The following GABRA3 variants were observed in gnomAD, a reference collection of about 807,000 sequenced individuals.
GABRA3 encodes gamma-aminobutyric acid type A receptor subunit alpha3.
In GABRA3, 10 loss-of-function variants were observed where a neutral mutation model predicts 30.1. The ratio of observed to expected loss-of-function variants is 0.33; its 90% CI spans 0.20 to 0.56. The LOEUF (loss-of-function observed/expected upper bound fraction) is 0.56, where lower values mean the gene tolerates loss of function less well. Among genes scored for constraint, GABRA3 ranks in the 20% least tolerant of loss-of-function variants. The pLI is 0.89. For synonymous variants in GABRA3, 151 were observed against 146.8 expected (o/e 1.03, Z -0.21); for missense variants, 233 against 392.0 (o/e 0.59, Z 3.42).
At chrX:152,350,403 A>G (rs1344415627) in intron 2 of GABRA3, among the ~76,000 whole-genome samples, 1 of 105,308 alleles carries the variant, frequency 9.5e-6, no homozygotes, top group African/African-American at 3.5e-5. Context: ...AGAACTAGAA[A>G]AGCAAGAGCA....
chrX:152,202,684 T>C (rs1438519461), intron 7 of GABRA3, among the ~76,000 whole-genome samples: 1 of 112,589 alleles, frequency 8.9e-6, no homozygotes. Context: ...AAGAAGCATC[T>C]CATATCAATG....
rs113438348 is a variant in GABRA3, at chrX:152,189,710, T to C, written c.1143+20A>G. 4.9e-4 allele frequency: 567 copies of C among 1,153,286 alleles called. 5 individuals are homozygous for C. The African/African-American group carries it at 7.3e-3, about 15-fold the overall frequency. On this transcript the variant is annotated intron_variant, in intron 9 of 9. Transcript: ENST00000370314. The stretch of plus-strand genomic sequence containing the variant: ...GGTCTCTCGGGGGTGCTTCTCAGTT[T>C]CTCTTTTGCTATATCTCACCTTCAT...
intron 9 of GABRA3, among the ~76,000 whole-genome samples, chrX:152,182,460 A>G (rs1246880699): frequency 1.1e-5 from 1 of 89,748 alleles, no homozygotes; most frequent in African/African-American, 4.0e-5. Flanking sequence ...TATATAGTGT[A>G]TATATGTACA....
chrX:152,306,798 T>C (rs1939726606), intron 3 of GABRA3, among the ~76,000 whole-genome samples: 1 of 112,275 alleles, frequency 8.9e-6, no homozygotes, highest in East Asian at 2.8e-4. Flanking sequence ...ATTTTTCCTC[T>C]GACATCAATA....
At chrX:152,445,636 C>T (rs763490659) in intron 1 of GABRA3, among the ~76,000 whole-genome samples, 1 of 111,712 alleles carries the variant, frequency 9.0e-6, no homozygotes, top group Non-Finnish European at 1.9e-5. Context: ...ACCTGAGCTA[C>T]CTGCACAGAA....
intron 4 of GABRA3, among the ~76,000 whole-genome samples, chrX:152,279,450 G>C (rs1354585025): frequency 9.0e-6 from 1 of 111,382 alleles, no homozygotes; most frequent in African/African-American, 3.3e-5. Flanking sequence ...TAAGGGCTCT[G>C]TTCTGTTCCA....
At chrX:152,260,154 T>C (rs58149839) in intron 4 of GABRA3, among the ~76,000 whole-genome samples, 1,209 of 109,996 alleles carry the variant, frequency 0.011, 24 homozygotes, top group African/African-American at 0.038. Flanking sequence ...CCTCTGCCTA[T>C]GAAAAGGGGA....
At chrX:152,261,236 T>C (rs1202727879) in intron 4 of GABRA3, among the ~76,000 whole-genome samples, 1 of 111,482 alleles carries the variant, frequency 9.0e-6, no homozygotes, top group Admixed American at 9.5e-5. Context: ...GAGATTTGGA[T>C]GAGGGAACAG....
At chrX:152,273,090 TATAA>T (rs1421573837) in intron 4 of GABRA3, among the ~76,000 whole-genome samples, 3 of 111,455 alleles carry the variant, frequency 2.7e-5, no homozygotes, top group Admixed American at 9.6e-5. Context: ...CAATAGAAAA[TATAA>T]ATAAATAAAT....
chrX:152,254,672 C>T (rs1938609357), intron 5 of GABRA3, among the ~76,000 whole-genome samples: 2 of 111,688 alleles, frequency 1.8e-5, no homozygotes, highest in Non-Finnish European at 3.8e-5. Context: ...AGGAAAAACA[C>T]CAATAAATAG....
intron 1 of GABRA3, among the ~76,000 whole-genome samples, chrX:152,439,457 A>G (rs1373476242): frequency 9.0e-6 from 1 of 111,394 alleles, no homozygotes; most frequent in Non-Finnish European, 1.9e-5. Context: ...GAAAATACCA[A>G]GTGGTGGTGG....
intron 1 of GABRA3, among the ~76,000 whole-genome samples, chrX:152,414,522 C>T (rs756953136): frequency 2.8e-4 from 31 of 111,201 alleles, no homozygotes; most frequent in Non-Finnish European, 5.1e-4. Flanking sequence ...AATTCCAAAA[C>T]ATTGACAATA....
intron 4 of GABRA3, among the ~76,000 whole-genome samples, chrX:152,259,301 C>A (rs1207220654): frequency 9.0e-6 from 1 of 111,435 alleles, no homozygotes; most frequent in Non-Finnish European, 1.9e-5. Context: ...GTCTAGGCCA[C>A]AAGGGCAGCA....
At chrX:152,371,298 T>C (rs1038449298) in intron 1 of GABRA3, among the ~76,000 whole-genome samples, 1 of 111,614 alleles carries the variant, frequency 9.0e-6, no homozygotes, top group Non-Finnish European at 1.9e-5. Flanking sequence ...CAAATAGCTT[T>C]GCTTCTTATT....
At chrX:152,406,860 A>G (rs1929950857) in intron 1 of GABRA3, among the ~76,000 whole-genome samples, 1 of 111,352 alleles carries the variant, frequency 9.0e-6, no homozygotes, top group Non-Finnish European at 1.9e-5. Flanking sequence ...TAGGCCACAA[A>G]GCAAGTCTCA....
At chrX:152,374,337 C>CTTTTTTTTTTTTTTT in intron 1 of GABRA3, among the ~76,000 whole-genome samples, 1 of 41,676 alleles carries the variant, frequency 2.4e-5, no homozygotes, top group Non-Finnish European at 4.2e-5. Context: ...CTTTTCTTTT[C>CTTTTTTTTTTTTTTT]TTTTTTTTTT....
chrX:152,175,073 G>C (rs951641561), intron 9 of GABRA3, among the ~76,000 whole-genome samples: 12 of 111,646 alleles, frequency 1.1e-4, no homozygotes, highest in South Asian at 3.8e-4. Flanking sequence ...GCTTGTTTTT[G>C]TCAGGTTTGT....
intron 1 of GABRA3, among the ~76,000 whole-genome samples, chrX:152,379,940 C>T (rs1386524668): frequency 1.8e-5 from 2 of 110,277 alleles, no homozygotes; most frequent in Non-Finnish European, 3.8e-5. Flanking sequence ...CGGGTTCAAG[C>T]GAGTCTCGTG....
At chrX:152,412,940 A>AC (rs774349172) in intron 1 of GABRA3, among the ~76,000 whole-genome samples, 2 of 111,562 alleles carry the variant, frequency 1.8e-5, no homozygotes, top group Non-Finnish European at 3.8e-5. Context: ...AGCAGAAAGA[A>AC]CATTTGAAGA....
Sources: gnomAD v4.1 joint callset for allele counts (sites outside exome capture counted in the v4.1 genomes callset) on GRCh38, gnomAD v4.1.1 for gene constraint, MANE v1.5 for transcripts, NCBI Gene and HGNC (gene_info 2026-07-23, HGNC 2026-07-21) for gene names.